The following SAXO4 variants were observed in gnomAD, a reference collection of about 807,000 sequenced individuals.
SAXO4 encodes the protein protein phosphatase 1 regulatory subunit 32.
At chr11:61,487,135 C>A in the SAXO4 span, 3 of 1,613,880 alleles carry the variant, frequency 1.9e-6, no homozygotes, top group African/African-American at 1.3e-5. Flanking sequence ...CTGTCTACCC[C>A]TCTTGTGCAG....
the SAXO4 span, chr11:61,486,472 G>C: frequency 1.2e-6 from 2 of 1,612,584 alleles, no homozygotes; most frequent in African/African-American, 2.7e-5. Context: ...TCTGGAAGGT[G>C]GTGGGGGAGG....
the SAXO4 span, among the ~76,000 whole-genome samples, chr11:61,488,183 C>T: frequency 7.4e-4 from 112 of 151,720 alleles, no homozygotes; most frequent in African/African-American, 2.6e-3. Context: ...GATGGGGTTT[C>T]GCCATGTTGG....
the SAXO4 span, chr11:61,482,730 T>G: frequency 6.2e-7 from 1 of 1,613,756 alleles, no homozygotes; most frequent in African/African-American, 1.3e-5. Flanking sequence ...ACGGCAAGCA[T>G]CCCCTGCCCT....
At chr11:61,485,620 C>A in the SAXO4 span, among the ~76,000 whole-genome samples, 32 of 152,120 alleles carry the variant, frequency 2.1e-4, no homozygotes, top group African/African-American at 7.5e-4. Context: ...TCCTGCTGCT[C>A]CCTCTCCTGT....
the SAXO4 span, chr11:61,486,839 G>C: frequency 1.0e-6 from 1 of 984,364 alleles, no homozygotes; most frequent in East Asian, 2.4e-5. Flanking sequence ...GGGTCGCTGG[G>C]GCTGTGGACA....
the SAXO4 span, chr11:61,482,402 G>A: frequency 1.2e-6 from 2 of 1,614,172 alleles, no homozygotes; most frequent in Non-Finnish European, 1.7e-6. Flanking sequence ...AAGCCAGTCT[G>A]GAGGCCTTAG....
At chr11:61,481,832 G>A in the SAXO4 span, 6 of 1,529,000 alleles carry the variant, frequency 3.9e-6, no homozygotes, top group African/African-American at 8.7e-5. Context: ...CTCCCCCTGG[G>A]GGTCGTCTCC....
chr11:61,487,617 A>G, the SAXO4 span, among the ~76,000 whole-genome samples: 1 of 152,254 alleles, frequency 6.6e-6, no homozygotes, highest in Non-Finnish European at 1.5e-5. Flanking sequence ...CCCCAGGGCA[A>G]CATTAAAGCC....
At chr11:61,490,429 CAGAAGACA>C in the SAXO4 span, 32 of 1,389,030 alleles carry the variant, frequency 2.3e-5, no homozygotes, top group African/African-American at 4.0e-4. Flanking sequence ...GAGGGTCAGG[CAGAAGACA>C]AGAAGACAAG....
the SAXO4 span, among the ~76,000 whole-genome samples, chr11:61,485,582 G>A: frequency 6.6e-6 from 1 of 152,176 alleles, no homozygotes; most frequent in South Asian, 2.1e-4. Flanking sequence ...GGGCCTCTCA[G>A]GAGGGTGGCT....
chr11:61,484,781 G>C, the SAXO4 span: 1 of 1,610,206 alleles, frequency 6.2e-7, no homozygotes, highest in Non-Finnish European at 8.5e-7. Context: ...CCAGCAGCAG[G>C]GCCAGGACCC....
the SAXO4 span, chr11:61,486,195 A>G: frequency 2.4e-6 from 2 of 818,852 alleles, no homozygotes; most frequent in Non-Finnish European, 1.9e-6. Flanking sequence ...TCTTCTCCCC[A>G]AACACTTCCC....
the SAXO4 span, chr11:61,486,806 G>A: frequency 1.1e-6 from 1 of 900,782 alleles, no homozygotes; most frequent in South Asian, 1.5e-5. Flanking sequence ...GTCTGAAATA[G>A]AATTGGCTGG....
At chr11:61,490,709 G>C in the SAXO4 span, 1 of 817,980 alleles carries the variant, frequency 1.2e-6, no homozygotes, top group Non-Finnish European at 2.0e-6. Context: ...CCAAGTGGGG[G>C]GTGACAGATC....
chr11:61,490,255 C>T, the SAXO4 span, among the ~76,000 whole-genome samples: 4 of 152,246 alleles, frequency 2.6e-5, no homozygotes, highest in Admixed American at 2.0e-4. Context: ...GATGCGGGGA[C>T]GGATCCAGAG....
chr11:61,484,813 A>T, the SAXO4 span: 2 of 1,586,240 alleles, frequency 1.3e-6, no homozygotes, highest in Non-Finnish European at 8.6e-7. Flanking sequence ...AGAACTTCCG[A>T]CATGTGAGTG....
chr11:61,487,473 T>C, the SAXO4 span, among the ~76,000 whole-genome samples: 1 of 152,070 alleles, frequency 6.6e-6, no homozygotes, highest in Non-Finnish European at 1.5e-5. Flanking sequence ...ATGAGCATGT[T>C]ACTAGGCCAG....
the SAXO4 span, chr11:61,482,539 G>T: frequency 6.4e-7 from 1 of 1,568,358 alleles, no homozygotes; most frequent in South Asian, 1.1e-5. Flanking sequence ...GGTCCTGGGT[G>T]ACTCAGGGCA....
chr11:61,484,783 C>T, the SAXO4 span: 1 of 1,608,962 alleles, frequency 6.2e-7, no homozygotes. Flanking sequence ...AGCAGCAGGG[C>T]CAGGACCCGC....
Sources: gnomAD v4.1 joint callset for allele counts (sites outside exome capture counted in the v4.1 genomes callset) on GRCh38, gnomAD v4.1.1 for gene constraint, MANE v1.5 for transcripts, NCBI Gene and HGNC (gene_info 2026-07-23, HGNC 2026-07-21) for gene names.